Variants in ETV6 observed in about 807,000 individuals in gnomAD.
The protein encoded by ETV6 is ETS variant transcription factor 6.
A neutral mutation model predicts 51.1 loss-of-function variants in ETV6; 16 were observed. The observed-to-expected ratio is 0.31, with a 90% CI of 0.21 to 0.48. ETV6 has a LOEUF of 0.48. Ranked by LOEUF, ETV6 falls within the 20% of genes least tolerant of loss-of-function variation. ETV6 has a pLI of 0.99. For synonymous variants in ETV6, 240 were observed against 224.1 expected, an observed-to-expected ratio of 1.07 and a Z score of -0.64; for missense variants, 458 against 594.8, an observed-to-expected ratio of 0.77 and a Z score of 2.39.
intron 2 of ETV6, among the ~76,000 whole-genome samples, chr12:11,800,902 C>A (rs374291588): frequency 7.0e-6 from 1 of 141,880 alleles, no homozygotes; most frequent in Non-Finnish European, 1.6e-5. Context: ...CATAGCCAGA[C>A]CCTGTCTCAT....
At chr12:11,851,297 T>C (rs576234127) in intron 3 of ETV6, among the ~76,000 whole-genome samples, 44 of 152,038 alleles carry the variant, frequency 2.9e-4, no homozygotes, top group African/African-American at 9.6e-4. Flanking sequence ...ATTTTTCTAT[T>C]CCGCATACTA....
At chr12:11,724,644 C>A (rs1286825543) in intron 1 of ETV6, among the ~76,000 whole-genome samples, 1 of 151,914 alleles carries the variant, frequency 6.6e-6, no homozygotes, top group African/African-American at 2.4e-5. Flanking sequence ...GAGTTGGTGA[C>A]AAGAATAAAG....
chr12:11,830,593 CGGGGAGGAGAGG>C lies in ETV6; in HGVS notation c.164-8544_164-8533del, dbSNP rs1455060675. On this transcript the variant is annotated intron_variant, in intron 2 of 7. Transcript: ENST00000396373. Reference sequence around the variant, plus strand: ...AGCTGGAGTAAGTGATCAGATGTGTCGGGGAGGAGAGGGGTGCCAATCACAGACTGCAGAGCT... The same window carrying C: ...AGCTGGAGTAAGTGATCAGATGTGTCGGTGCCAATCACAGACTGCAGAGCT... Among the ~76,000 whole-genome samples, 345 of 152,256 alleles carry C rather than the reference CGGGGAGGAGAGG, an allele frequency of 2.3e-3. 2 individuals carry two copies. Among genetic ancestry groups the C allele is most frequent in the South Asian group, 2.3e-3 (11 of 4,820 alleles).
chr12:11,718,052 T>C (rs563956887), intron 1 of ETV6, among the ~76,000 whole-genome samples: 1 of 152,338 alleles, frequency 6.6e-6, no homozygotes, highest in African/African-American at 2.4e-5. Flanking sequence ...AGTCAGGTTT[T>C]ATATAAATCA....
intron 2 of ETV6, among the ~76,000 whole-genome samples, chr12:11,755,900 C>A (rs1004390661): frequency 6.6e-6 from 1 of 152,090 alleles, no homozygotes; most frequent in Non-Finnish European, 1.5e-5. Flanking sequence ...CCAGATAAAT[C>A]CTCTCCCTTA....
At position 11,743,906 on chromosome 12, in the gene ETV6, A is replaced by G. The variant is rs547298407; in HGVS notation, c.34-8544A>G. On this transcript the variant is annotated intron_variant, in intron 1 of 7. Coordinates refer to ENST00000396373, the MANE Select transcript of ETV6 (RefSeq NM_001987.5). ...GCACAAAGAAGAAAGCTACTTGAGGAGGAGGCGAAGGGTTTACGAAGAGGC... is the reference window on the plus strand; with the variant it reads ...GCACAAAGAAGAAAGCTACTTGAGGGGGAGGCGAAGGGTTTACGAAGAGGC... Among the ~76,000 whole-genome samples the G allele has an allele frequency of 2.7e-4, 41 of 152,298 alleles. No homozygotes were observed. The South Asian group carries it at 6.8e-3, about 25-fold the overall frequency.
intron 1 of ETV6, among the ~76,000 whole-genome samples, chr12:11,657,890 G>A (rs1864029812): frequency 6.6e-6 from 1 of 152,194 alleles, no homozygotes; most frequent in Admixed American, 6.5e-5. Flanking sequence ...GAGATTGTAA[G>A]GTGCTCAGAA....
rs766811965 is a variant in ETV6, at chr12:11,850,345, CCAGGT to C, written c.329-3077_329-3073del. Among the ~76,000 whole-genome samples, 5 of 152,138 alleles carry C rather than the reference CCAGGT, an allele frequency of 3.3e-5. No homozygotes were observed. In the East Asian group the frequency reaches 7.7e-4, roughly 23 times the overall value. On this transcript the variant is annotated intron_variant, in intron 3 of 7. Transcript: ENST00000396373. ...GTCAGACCCCCAGAGGCTTAGCCCA[CCAGGT>C]CAGGATGAGACGTCCAGAGAACCCA... is the stretch of plus-strand genomic sequence containing the variant.
intron 2 of ETV6, among the ~76,000 whole-genome samples, chr12:11,837,323 A>G (rs1946331306): frequency 6.6e-6 from 1 of 152,236 alleles, no homozygotes. Context: ...AACACCAAGA[A>G]AAAAGCTCTT....
chr12:11,847,119 C>A (rs1376900738), intron 3 of ETV6, among the ~76,000 whole-genome samples: 1 of 152,074 alleles, frequency 6.6e-6, no homozygotes, highest in African/African-American at 2.4e-5. Flanking sequence ...AAGGTGAGGC[C>A]CACTGAGAGA....
intron 5 of ETV6, among the ~76,000 whole-genome samples, chr12:11,878,149 T>TGGGGA (rs1462468572): frequency 6.6e-6 from 1 of 152,164 alleles, no homozygotes; most frequent in Non-Finnish European, 1.5e-5. Flanking sequence ...AGATGAGCAC[T>TGGGGA]GGGGAGGGGA....
chr12:11,728,072 G>A (rs1218016479), intron 1 of ETV6, among the ~76,000 whole-genome samples: 1 of 152,072 alleles, frequency 6.6e-6, no homozygotes, highest in Admixed American at 6.5e-5. Context: ...TGCCCGCCTC[G>A]GTCTTCCAAA....
rs374536675 is a variant in ETV6 at position 11,848,420 on chromosome 12, C to A, written c.329-5007C>A. On this transcript the variant is annotated intron_variant, in intron 3 of 7. Coordinates refer to ENST00000396373, the MANE Select transcript of ETV6 (RefSeq NM_001987.5). ...TAAATTTAACCCCCCTCAACAGCAT[C>A]TTGCATGTTCTTGGTCCTCAGACAT... 1.5e-3 allele frequency among the ~76,000 whole-genome samples: 228 copies of A among 152,348 alleles called. 3 individuals carry two copies. Among genetic ancestry groups the A allele is most frequent in the African/African-American group, 5.3e-3 (219 of 41,582 alleles).
At chr12:11,819,720 T>C (rs1404205320) in intron 2 of ETV6, among the ~76,000 whole-genome samples, 1 of 152,248 alleles carries the variant, frequency 6.6e-6, no homozygotes, top group Non-Finnish European at 1.5e-5. Flanking sequence ...CCATCAATTC[T>C]ACCCCATGGT....
At chr12:11,723,429 C>G (rs1467370970) in intron 1 of ETV6, among the ~76,000 whole-genome samples, 2 of 152,092 alleles carry the variant, frequency 1.3e-5, no homozygotes, top group Non-Finnish European at 2.9e-5. Context: ...TCAGTTATTC[C>G]TTTTTCCCTT....
intron 2 of ETV6, among the ~76,000 whole-genome samples, chr12:11,789,308 AG>A (rs1945543935): frequency 6.6e-6 from 1 of 152,160 alleles, no homozygotes; most frequent in Non-Finnish European, 1.5e-5. Context: ...CTGGGATTAC[AG>A]GGGTGAGCCA....
chr12:11,850,862 C>G (rs1946543153), intron 3 of ETV6, among the ~76,000 whole-genome samples: 1 of 152,228 alleles, frequency 6.6e-6, no homozygotes, highest in Admixed American at 6.5e-5. Context: ...CTCTCCAGCC[C>G]TTGTTTGAGC....
chr12:11,671,125 T>TCG (rs1864305229), intron 1 of ETV6, among the ~76,000 whole-genome samples: 1 of 151,894 alleles, frequency 6.6e-6, no homozygotes, highest in Non-Finnish European at 1.5e-5. Context: ...AGGGTAAGGT[T>TCG]GGCAGGGCGG....
intron 2 of ETV6, among the ~76,000 whole-genome samples, chr12:11,774,070 T>C (rs992022671): frequency 4.6e-5 from 7 of 151,856 alleles, no homozygotes; most frequent in East Asian, 1.9e-4. Context: ...TGAGAGACCG[T>C]TGGGAGCAAG....
Sources: gnomAD v4.1 joint callset for allele counts (sites outside exome capture counted in the v4.1 genomes callset) on GRCh38, gnomAD v4.1.1 for gene constraint, MANE v1.5 for transcripts, NCBI Gene and HGNC (gene_info 2026-07-23, HGNC 2026-07-21) for gene names.